The following POU2F1 variants were observed in gnomAD, a reference collection of about 807,000 sequenced individuals.
The protein encoded by POU2F1 is POU class 2 homeobox 1, also known as POU domain, class 2, transcription factor 1.
In POU2F1, 16 loss-of-function variants were observed where a neutral mutation model predicts 84.9. That is an observed-to-expected ratio of 0.19 (90% CI 0.13 to 0.29). The LOEUF (loss-of-function observed/expected upper bound fraction) is 0.29. POU2F1 is among the 10% of genes least tolerant of loss of function. The pLI is 1.00. For missense variants in POU2F1, 738 were observed against 942.6 expected, an observed-to-expected ratio of 0.78 and a Z score of 2.84; for synonymous variants, 368 against 368.3, an observed-to-expected ratio of 1.00 and a Z score of 0.01.
At chr1:167,334,296 G>A (rs1192240221) in intron 2 of POU2F1, among the ~76,000 whole-genome samples, 3 of 151,694 alleles carry the variant, frequency 2.0e-5, no homozygotes, top group Non-Finnish European at 2.9e-5. Context: ...GAATAGCTGG[G>A]ATTGCAGGTG....
At chr1:167,359,000 T>C (rs1659170239) in intron 2 of POU2F1, among the ~76,000 whole-genome samples, 1 of 152,082 alleles carries the variant, frequency 6.6e-6, no homozygotes, top group Admixed American at 6.5e-5. Flanking sequence ...GTTTCTATTA[T>C]GTGGAAGTTT....
rs1235976199 is a variant in POU2F1 at position 167,425,811 on chromosome 1, C to G, written c.*10001C>G. 4 of 152,166 alleles carry G rather than the reference C, an allele frequency of 2.6e-5. No individual in the cohort carries two copies. The highest frequency in any genetic ancestry group is 5.9e-5 in the Non-Finnish European group (4 of 68,034). 9.4% of individuals were successfully genotyped at this position (152,166 alleles called of 1,614,324 possible). A position where few individuals can be genotyped will look rare whatever the true frequency, so the allele number is the denominator to read the frequency against. On this transcript the variant is annotated 3_prime_UTR_variant, in exon 16 of 16. Transcript: ENST00000367866. ...CTGGAACTGCTTGGAAGTGGCTGTC[C>G]TGTTTGTGAGAAAACATGCAGAAAG...
intron 1 of POU2F1, among the ~76,000 whole-genome samples, chr1:167,264,999 G>A (rs779725248): frequency 5.3e-5 from 8 of 152,034 alleles, no homozygotes; most frequent in Non-Finnish European, 1.2e-4. Context: ...TTATACAACT[G>A]GTGAATCCAT....
chr1:167,389,908 C>CAGACA, intron 9 of POU2F1, 147 bp downstream of exon 9: 1 of 824,026 alleles, frequency 1.2e-6, no homozygotes, highest in Non-Finnish European at 1.9e-6. Context: ...CATGTCTGTA[C>CAGACA]TGAACATGTA....
At chr1:167,223,336 A>G (rs1460450946) in intron 1 of POU2F1, among the ~76,000 whole-genome samples, 1 of 152,074 alleles carries the variant, frequency 6.6e-6, no homozygotes, top group African/African-American at 2.4e-5. Context: ...TTGGCTTGTG[A>G]GAGGCAGATT....
chr1:167,393,855 A>G (rs1471429796), intron 9 of POU2F1, among the ~76,000 whole-genome samples: 1 of 152,206 alleles, frequency 6.6e-6, no homozygotes, highest in Non-Finnish European at 1.5e-5. Flanking sequence ...AAAGAATTGC[A>G]AGGTTTAGTT....
chr1:167,349,817 G>A (rs754934359), intron 2 of POU2F1, among the ~76,000 whole-genome samples: 35 of 152,062 alleles, frequency 2.3e-4, no homozygotes, highest in Non-Finnish European at 5.9e-5. Context: ...ATGCACATAA[G>A]CAAAAATAAT....
intron 1 of POU2F1, among the ~76,000 whole-genome samples, chr1:167,247,616 A>T (rs529773558): frequency 1.3e-3 from 204 of 151,756 alleles, no homozygotes; most frequent in Non-Finnish European, 2.0e-3. Context: ...GTTTTTTTTT[A>T]AAATTCTGTC....
chr1:167,247,036 ATATGTGTGTGTG>A (rs1261529244), intron 1 of POU2F1, among the ~76,000 whole-genome samples: 2 of 143,484 alleles, frequency 1.4e-5, no homozygotes, highest in Non-Finnish European at 3.1e-5. Context: ...GGTTATATAT[ATATGTGTGTGTG>A]TGTGTGTGTG....
At chr1:167,329,044 A>G in intron 1 of POU2F1, 1 of 1,183,750 alleles carries the variant, frequency 8.4e-7, no homozygotes, top group South Asian at 2.3e-5. Flanking sequence ...GGAGAGACTA[A>G]AACTCCTCTG....
At chr1:167,284,900 G>C (rs1653410082) in intron 1 of POU2F1, among the ~76,000 whole-genome samples, 1 of 152,160 alleles carries the variant, frequency 6.6e-6, no homozygotes, top group South Asian at 2.1e-4. Flanking sequence ...GAGTAGAACT[G>C]TTTTGCTTTG....
chr1:167,231,997 C>T (rs1421622184), intron 1 of POU2F1, among the ~76,000 whole-genome samples: 2 of 152,174 alleles, frequency 1.3e-5, no homozygotes, highest in South Asian at 4.1e-4. Context: ...CGTGTGCCCT[C>T]CTCCCCCAAC....
At chr1:167,401,065 A>G (rs566932521) in intron 12 of POU2F1, among the ~76,000 whole-genome samples, 2 of 152,158 alleles carry the variant, frequency 1.3e-5, no homozygotes, top group African/African-American at 4.8e-5. Context: ...CATTATTTTC[A>G]TAATTTTATT....
intron 2 of POU2F1, among the ~76,000 whole-genome samples, chr1:167,363,370 A>G (rs529604761): frequency 9.8e-5 from 15 of 152,314 alleles, no homozygotes; most frequent in Non-Finnish European, 2.1e-4. Flanking sequence ...TCTAATGGTG[A>G]ACAGTCTCTT....
intron 7 of POU2F1, 164 bp from the exon 8 acceptor site, chr1:167,383,693 C>T: frequency 1.7e-6 from 1 of 577,626 alleles, no homozygotes. Flanking sequence ...AGTTGTAAAA[C>T]AAGATTGAAT....
intron 13 of POU2F1, among the ~76,000 whole-genome samples, chr1:167,407,092 G>A (rs1370863676): frequency 2.6e-5 from 4 of 151,438 alleles, no homozygotes; most frequent in South Asian, 4.2e-4. Context: ...TCACAGTGGC[G>A]CAATCACATT....
In POU2F1 at chr1:167,383,839, C is replaced by T; in HGVS notation, c.719-18C>T. 6.3e-7 allele frequency: 1 copy of T among 1,592,700 alleles called. No homozygotes were observed. Among genetic ancestry groups the T allele is most frequent in the Non-Finnish European group, 8.6e-7 (1 of 1,164,976 alleles). ...AGAAATCTTTAATGTTTCTGGATAA[C>T]ATGTTTTTCTTCTACAGGTCTCCTG... is the stretch of plus-strand genomic sequence containing the variant. On this transcript the variant is annotated intron_variant, in intron 7 of 15. Coordinates refer to ENST00000367866, the MANE Select transcript of POU2F1 (RefSeq NM_002697.4).
chr1:167,289,251 ATCAT>A lies in POU2F1; in HGVS notation c.62-43207_62-43204del, dbSNP rs1490329213. 2.0e-5 allele frequency among the ~76,000 whole-genome samples: 3 copies of A among 152,206 alleles called. 1 individual carries two copies. The highest frequency in any genetic ancestry group is 4.4e-5 in the Non-Finnish European group (3 of 68,040). On this transcript the variant is annotated intron_variant, in intron 1 of 15. Transcript: ENST00000367866. Reference sequence around the variant, plus strand: ...CGTAATATTTATTGACTTTCTAGGCATCATTCATTCATTCAACAAATGTTTCTGA... The same window carrying A: ...CGTAATATTTATTGACTTTCTAGGCATCATTCATTCAACAAATGTTTCTGA...
At chr1:167,233,913 AGTT>A (rs959298027) in intron 1 of POU2F1, among the ~76,000 whole-genome samples, 7 of 152,222 alleles carry the variant, frequency 4.6e-5, no homozygotes, top group Admixed American at 3.9e-4. Flanking sequence ...TCTTTGTGCC[AGTT>A]GTTGTACTAA....
Sources: gnomAD v4.1 joint callset for allele counts (sites outside exome capture counted in the v4.1 genomes callset) on GRCh38, gnomAD v4.1.1 for gene constraint, MANE v1.5 for transcripts, NCBI Gene and HGNC (gene_info 2026-07-23, HGNC 2026-07-21) for gene names.